Variants in COG8 observed in about 807,000 individuals in gnomAD.
The protein encoded by COG8 is conserved oligomeric Golgi complex subunit 8.
In COG8, 45 loss-of-function variants were observed where a neutral mutation model predicts 46.5. The ratio of observed to expected loss-of-function variants is 0.97; its 90% confidence interval spans 0.76 to 1.24. The LOEUF (loss-of-function observed/expected upper bound fraction) is 1.24. Among genes scored for constraint, COG8 ranks in the 50% most tolerant of loss-of-function variants. The pLI, the probability that COG8 is intolerant of heterozygous loss-of-function variation, is 0.00. For synonymous variants in COG8, 407 were observed against 347.8 expected (o/e 1.17, Z -1.90); for missense variants, 793 against 820.8 (o/e 0.97, Z 0.41).
chr16:69,332,352 A>G (rs1037212819), intron 4 of COG8, among the ~76,000 whole-genome samples: 45 of 152,314 alleles, frequency 3.0e-4, no homozygotes, highest in African/African-American at 1.1e-3. Context: ...CCGCCTCAAA[A>G]AAAAAAAAGA....
rs1001670729 is a variant in COG8, at chr16:69,329,239, T to A, written c.*27-60A>T. ...CAGCTGAACTGCATCATCCTCAACC[T>A]CCCTACCCCTGCCCCCGGTCCTGGC... is the stretch of plus-strand genomic sequence containing the variant. On this transcript the variant is annotated intron_variant, in intron 5 of 5. Coordinates refer to ENST00000306875, the MANE Select transcript of COG8 (RefSeq NM_032382.5). 4 of 1,464,606 alleles carry A rather than the reference T, an allele frequency of 2.7e-6. No homozygotes were observed. The Admixed American group carries it at 1.1e-4, about 39-fold the overall frequency. The allele number at this position is 1,464,606 out of a possible 1,614,324, so 90.7% of individuals were successfully genotyped here.
intron 1 of COG8, 153 bp downstream of exon 1, chr16:69,339,023 A>C: frequency 9.8e-7 from 1 of 1,021,568 alleles, no homozygotes; most frequent in Non-Finnish European, 1.5e-6. Flanking sequence ...AACAGTACCT[A>C]TCTCGAAGGC....
At chr16:69,333,218 G>T (rs1241691503) in intron 3 of COG8, among the ~76,000 whole-genome samples, 1 of 150,850 alleles carries the variant, frequency 6.6e-6, no homozygotes, top group Non-Finnish European at 1.5e-5. Flanking sequence ...ACCTAAGCTG[G>T]AGTGTAGCGG....
intron 3 of COG8, among the ~76,000 whole-genome samples, chr16:69,334,074 A>G (rs1359608467): frequency 6.6e-6 from 1 of 152,112 alleles, no homozygotes; most frequent in African/African-American, 2.4e-5. Flanking sequence ...ATTGCAAAGA[A>G]CTGACCCCTG....
rs758158339 is a variant in COG8, at chr16:69,335,060, T to C, written c.874A>G (p.Ile292Val). ...AGCAGTGGGTCCTCGTCTGAGAAGA[T>C]GGCACGGTACTGGGTGATGATATCA... is the stretch of plus-strand genomic sequence containing the variant. ...LFDIITQYRA[I>V]FSDEDPLLPP... The change falls in exon 3 of 6, where the codon ATC becomes GTC. Residue 292 changes from isoleucine (I) to valine (V), a missense_variant. Coordinates refer to ENST00000306875, the MANE Select transcript of COG8 (RefSeq NM_032382.5). 1 of 1,614,144 alleles carries C rather than the reference T, an allele frequency of 6.2e-7. No homozygotes were observed. Among genetic ancestry groups the C allele is most frequent in the Admixed American group, 1.7e-5 (1 of 60,004 alleles).
chr16:69,333,428 A>G (rs538705447), intron 3 of COG8, among the ~76,000 whole-genome samples: 82 of 152,258 alleles, frequency 5.4e-4, no homozygotes, highest in Admixed American at 1.2e-3. Flanking sequence ...TCAGCCTCCC[A>G]AAGTGTTGGC....
At position 69,328,545 on chromosome 16, in the gene COG8, T is replaced by C. The variant is rs1965671515; in HGVS notation, c.*661A>G. 5.7e-6 allele frequency: 1 copy of C among 175,096 alleles called. No individual in the cohort carries two copies. Among genetic ancestry groups the C allele is most frequent in the Non-Finnish European group, 1.2e-5 (1 of 83,352 alleles). The allele number at this position is 175,096 out of a possible 1,614,324, so 10.8% of individuals were successfully genotyped here. On this transcript the variant is annotated 3_prime_UTR_variant, in exon 6 of 6. Coordinates refer to ENST00000306875, the MANE Select transcript of COG8 (RefSeq NM_032382.5). ...GAAACACATCCTTGAACAGGGACTA[T>C]TCTCTTTCATTTCCATAAGCAAACT...
At chr16:69,330,509 C>G in intron 5 of COG8, 1 of 1,472,374 alleles carries the variant, frequency 6.8e-7, no homozygotes, top group Non-Finnish European at 8.9e-7. Flanking sequence ...GGCTGCCGCC[C>G]CGCCCCACGG....
rs1965611229 is a variant in COG8 at position 69,326,995 on chromosome 16, T to C, written c.*2211A>G. 6.6e-6 allele frequency: 1 copy of C among 152,106 alleles called. No homozygotes were observed. Among genetic ancestry groups the C allele is most frequent in the Non-Finnish European group, 1.5e-5 (1 of 68,016 alleles). The allele number at this position is 152,106 out of a possible 1,614,324, so 9.4% of individuals were successfully genotyped here. ...GAAAGCTATAAGAAGCATCAAAAGA[T>C]TGCCATAGCCCCCTGTAAGAGCTTC... On this transcript the variant is annotated 3_prime_UTR_variant, in exon 6 of 6. Transcript: ENST00000306875.
At chr16:69,337,315 CTCA>C (rs1350797683) in intron 1 of COG8, among the ~76,000 whole-genome samples, 1 of 151,830 alleles carries the variant, frequency 6.6e-6, no homozygotes, top group Non-Finnish European at 1.5e-5. Context: ...TAGGACCCTC[CTCA>C]TAAGGGTGTA....
chr16:69,335,749 A>T (rs1276837010), intron 2 of COG8, among the ~76,000 whole-genome samples: 1 of 151,646 alleles, frequency 6.6e-6, no homozygotes, highest in African/African-American at 2.4e-5. Context: ...CCGGGAGATA[A>T]AGGTTGCAGT....
chr16:69,330,874 C>G lies in COG8; in HGVS notation c.1804G>C (p.Glu602Gln), dbSNP rs1380890897. 3.9e-6 allele frequency: 6 copies of G among 1,545,922 alleles called. No homozygotes were observed. Among genetic ancestry groups the G allele is most frequent in the Non-Finnish European group, 5.2e-6 (6 of 1,145,718 alleles). The change falls in exon 5 of 6, where the codon GAG becomes CAG. Residue 602 changes from glutamate to glutamine, a missense_variant. Glu to Gln is a conservative substitution (Grantham distance 29, BLOSUM62 2). Transcript: ENST00000306875. ...ACGCTGGGCGGTTCGGCCTGCGTCTCCGCTCGCCCTCCCTCCGGGCAGGCT... is the reference window on the plus strand; with the variant it reads ...ACGCTGGGCGGTTCGGCCTGCGTCTGCGCTCGCCCTCCCTCCGGGCAGGCT... ...GPACPEGGRA[E>Q]TQAEPPSVGP
intron 4 of COG8, 34 bp from the exon 5 acceptor site, chr16:69,331,129 C>G (rs2011797303): frequency 6.2e-7 from 1 of 1,611,624 alleles, no homozygotes; most frequent in Admixed American, 1.7e-5. Context: ...AAATGGAAAA[C>G]AGTTACTAAT....
In COG8 at chr16:69,327,778, G is replaced by A. The variant is rs914383651; in HGVS notation, c.*1428C>T. 4 of 151,942 alleles carry A rather than the reference G, an allele frequency of 2.6e-5. No homozygotes were observed. The highest frequency in any genetic ancestry group is 4.8e-5 in the African/African-American group (2 of 41,336). 9.4% of individuals were successfully genotyped at this position (151,942 alleles called of 1,614,324 possible). On this transcript the variant is annotated 3_prime_UTR_variant, in exon 6 of 6. Transcript: ENST00000306875. ...ACTGATCCCAGCACTTTGGGAGGCC[G>A]AGGCAGGAGGATTGCCTGAGACCAG...
At chr16:69,332,391 A>G (rs545063621) in intron 4 of COG8, among the ~76,000 whole-genome samples, 12 of 152,188 alleles carry the variant, frequency 7.9e-5, no homozygotes, top group African/African-American at 2.9e-4. Context: ...TAGATATTTC[A>G]CATAAATGGA....
intron 5 of COG8, chr16:69,330,450 C>A: frequency 2.0e-6 from 3 of 1,472,934 alleles, no homozygotes; most frequent in Non-Finnish European, 2.7e-6. Context: ...AGCGCCGGGC[C>A]CTCGACGCCG....
rs769319160 is a variant in COG8, at chr16:69,329,201, TG to T, written c.*27-23del. The T allele has an allele frequency of 1.3e-5, 21 of 1,566,766 alleles. No individual in the cohort carries two copies. The South Asian group carries it at 2.5e-4, about 18-fold the overall frequency. ...AGCCCTGCAAAGGAAGTTACAGCCC[TG>T]GTGAGTGGGAACAGCTGAACTGCAT... is the stretch of plus-strand genomic sequence containing the variant. On this transcript the variant is annotated intron_variant, in intron 5 of 5. Coordinates refer to ENST00000306875, the MANE Select transcript of COG8 (RefSeq NM_032382.5).
chr16:69,333,482 T>G (rs9924894), intron 3 of COG8, among the ~76,000 whole-genome samples: 32,935 of 152,148 alleles, frequency 0.22, 3,785 homozygotes, highest in South Asian at 0.27. Context: ...ACATGGTTCT[T>G]AACTTCCACG....
In COG8 at chr16:69,338,999, G is replaced by A; in HGVS notation, c.377+177C>T. 7 of 877,838 alleles carry A rather than the reference G, an allele frequency of 8.0e-6. No individual in the cohort carries two copies. The South Asian group carries it at 8.6e-5, about 11-fold the overall frequency. 54.4% of individuals were successfully genotyped at this position (877,838 alleles called of 1,614,324 possible). ...CAGGGCGAGACTCCGTCTCAAAAAA[G>A]ATAAAAAAGGAATAACAGTACCTAT... On this transcript the variant is annotated intron_variant, in intron 1 of 5. Transcript: ENST00000306875.
Sources: allele counts gnomAD v4.1 joint callset (sites outside exome capture counted in the v4.1 genomes callset), GRCh38; gene constraint gnomAD v4.1.1; transcripts MANE v1.5; gene names NCBI Gene and HGNC (gene_info 2026-07-23, HGNC 2026-07-21).